Variants in CRADD observed in about 807,000 individuals in gnomAD.
CRADD encodes CARD and death domain containing adaptor protein.
CRADD carries 9 observed loss-of-function variants against 15.5 expected under a neutral mutation model. That is an observed-to-expected ratio of 0.58 (90% CI 0.35 to 1.01). The LOEUF (loss-of-function observed/expected upper bound fraction) is 1.01, where lower values mean the gene tolerates loss of function less well. Among genes scored for constraint, CRADD ranks in the 50% least tolerant of loss-of-function variants. The pLI, the probability that CRADD is intolerant of heterozygous loss-of-function variation, is 0.02. For synonymous variants in CRADD, 118 were observed against 107.6 expected, an observed-to-expected ratio of 1.10 and a Z score of -0.60; for missense variants, 227 against 250.3, an observed-to-expected ratio of 0.91 and a Z score of 0.63.
Position 93,737,454 on chromosome 12 carries a change from A to T in CRADD, c.298+58382A>T, listed in dbSNP as rs117288791. 6.8e-3 allele frequency among the ~76,000 whole-genome samples: 1,037 copies of T among 152,346 alleles called. 7 individuals carry two copies. The highest frequency in any genetic ancestry group is 0.011 in the Non-Finnish European group (768 of 68,034). The stretch of plus-strand genomic sequence containing the variant: ...TACATTAATTAATTTAAAAGAAAGG[A>T]TTCAAACTTAGTACTAATCTGCATC... On this transcript the variant is annotated intron_variant, in intron 2 of 2. Coordinates refer to ENST00000332896, the MANE Select transcript of CRADD (RefSeq NM_003805.5).
intron 2 of CRADD, among the ~76,000 whole-genome samples, chr12:93,748,142 C>T (rs1213813526): frequency 6.6e-6 from 1 of 152,082 alleles, no homozygotes; most frequent in African/African-American, 2.4e-5. Context: ...TAGTCCCTAC[C>T]ACAGAATGCG....
At chr12:93,752,173 G>C (rs150152072) in intron 2 of CRADD, among the ~76,000 whole-genome samples, 9 of 152,234 alleles carry the variant, frequency 5.9e-5, no homozygotes, top group African/African-American at 2.2e-4. Context: ...TCATTCCCCA[G>C]TGGAGGGTAA....
chr12:93,702,794 C>G (rs931573099), intron 2 of CRADD, among the ~76,000 whole-genome samples: 3 of 152,046 alleles, frequency 2.0e-5, no homozygotes, highest in African/African-American at 7.2e-5. Context: ...GTGCACCATA[C>G]AGGTGCTCTG....
intron 2 of CRADD, among the ~76,000 whole-genome samples, chr12:93,712,937 A>G (rs191206900): frequency 6.6e-6 from 1 of 152,152 alleles, no homozygotes; most frequent in Admixed American, 6.5e-5. Context: ...AGAATTGAGA[A>G]TAAAGACTCC....
At chr12:93,731,863 G>A (rs540457679) in intron 2 of CRADD, among the ~76,000 whole-genome samples, 8 of 152,344 alleles carry the variant, frequency 5.3e-5, no homozygotes, top group African/African-American at 1.9e-4. Flanking sequence ...CTGGCCGAGT[G>A]TGGTGGCTCA....
intron 2 of CRADD, chr12:93,738,785 C>CT: frequency 4.5e-6 from 1 of 221,284 alleles, no homozygotes; most frequent in African/African-American, 2.3e-5. Flanking sequence ...GTCACAAACT[C>CT]TGACTAGAAA....
At chr12:93,722,876 A>AT (rs1956289802) in intron 2 of CRADD, among the ~76,000 whole-genome samples, 1 of 151,848 alleles carries the variant, frequency 6.6e-6, no homozygotes, top group Non-Finnish European at 1.5e-5. Context: ...ATGCCTTGTA[A>AT]TTTTTTCTTG....
intron 2 of CRADD, among the ~76,000 whole-genome samples, chr12:93,887,470 G>C (rs681867): frequency 6.6e-6 from 1 of 152,104 alleles, no homozygotes; most frequent in Non-Finnish European, 1.5e-5. Flanking sequence ...CGAAACTCAG[G>C]AAGTTCTTAA....
intron 2 of CRADD, among the ~76,000 whole-genome samples, chr12:93,796,727 T>C (rs4761528): frequency 0.2 from 31,130 of 152,118 alleles, 3,638 homozygotes; most frequent in Admixed American, 0.31. Flanking sequence ...ATTTTTCTTA[T>C]GAGTTTTTAC....
At chr12:93,794,059 A>G (rs1957383477) in intron 2 of CRADD, among the ~76,000 whole-genome samples, 1 of 152,110 alleles carries the variant, frequency 6.6e-6, no homozygotes, top group East Asian at 1.9e-4. Context: ...ATGTTACTTG[A>G]CTTTCAGCAG....
intron 2 of CRADD, among the ~76,000 whole-genome samples, chr12:93,778,803 C>A (rs917627934): frequency 5.9e-5 from 8 of 135,096 alleles, no homozygotes; most frequent in African/African-American, 1.9e-4. Flanking sequence ...ATTAGAATTT[C>A]TTTTTGTGTT....
intron 2 of CRADD, among the ~76,000 whole-genome samples, chr12:93,730,717 CTTT>C (rs566237726): frequency 2.4e-5 from 3 of 127,132 alleles, no homozygotes; most frequent in Non-Finnish European, 3.4e-5. Flanking sequence ...CCTTCATTTA[CTTT>C]TTTTTTTTTT....
chr12:93,755,342 G>A (rs530173557), intron 2 of CRADD, among the ~76,000 whole-genome samples: 1 of 152,304 alleles, frequency 6.6e-6, no homozygotes, highest in African/African-American at 2.4e-5. Context: ...CCACATGTCA[G>A]CAGAGTCCTG....
At chr12:93,784,773 C>T (rs373036487) in intron 2 of CRADD, among the ~76,000 whole-genome samples, 16 of 152,038 alleles carry the variant, frequency 1.1e-4, no homozygotes, top group South Asian at 4.2e-4. Context: ...CCTTGCAAGA[C>T]GGTTAAAGGA....
At chr12:93,796,749 A>G (rs1189803944) in intron 2 of CRADD, among the ~76,000 whole-genome samples, 1 of 152,052 alleles carries the variant, frequency 6.6e-6, no homozygotes, top group African/African-American at 2.4e-5. Context: ...TGAAACCCCT[A>G]TTTTCTAAGA....
rs186404101 is a variant in CRADD, at chr12:93,764,696, G to C, written c.299-85274G>C. Among the ~76,000 whole-genome samples the C allele has an allele frequency of 6.0e-5, 9 of 150,798 alleles. No individual in the cohort carries two copies. In the East Asian group the frequency reaches 1.8e-3, roughly 29 times the overall value. On this transcript the variant is annotated intron_variant, in intron 2 of 2. Transcript: ENST00000332896. The stretch of plus-strand genomic sequence containing the variant: ...CCTTATGACAGTTTTCTTCCAAATT[G>C]TGGAACGCTTTGTGGTATTTAGTAA...
At chr12:93,694,131 T>G (rs1173636139) in intron 2 of CRADD, among the ~76,000 whole-genome samples, 1 of 152,010 alleles carries the variant, frequency 6.6e-6, no homozygotes, top group Admixed American at 6.6e-5. Context: ...AAAGAATCAT[T>G]CACTGTGATC....
chr12:93,827,785 TA>T (rs1957840844), intron 2 of CRADD, among the ~76,000 whole-genome samples: 1 of 152,196 alleles, frequency 6.6e-6, no homozygotes, highest in South Asian at 2.1e-4. Flanking sequence ...ATCTACACAA[TA>T]CAGTATTGTT....
chr12:93,739,367 T>C (rs1175494294), intron 2 of CRADD, among the ~76,000 whole-genome samples: 1 of 151,850 alleles, frequency 6.6e-6, no homozygotes, highest in East Asian at 1.9e-4. Flanking sequence ...ATATAACATA[T>C]TATTTAAAAA....
Sources: gnomAD v4.1 joint callset for allele counts (sites outside exome capture counted in the v4.1 genomes callset) on GRCh38, gnomAD v4.1.1 for gene constraint, MANE v1.5 for transcripts, NCBI Gene and HGNC (gene_info 2026-07-23, HGNC 2026-07-21) for gene names.